CACNB2: variants seen among roughly 807,000 people sequenced by gnomAD.
CACNB2 encodes the protein calcium voltage-gated channel auxiliary subunit beta 2.
In CACNB2, 42 loss-of-function variants were observed where a neutral mutation model predicts 73.3. That is an observed-to-expected ratio of 0.57 (90% CI 0.45 to 0.74). CACNB2 has a LOEUF of 0.74. CACNB2 is among the 30% of genes least tolerant of loss of function. The pLI is 0.00. For missense variants in CACNB2, 940 were observed against 853.0 expected, an observed-to-expected ratio of 1.10 and a Z score of -1.27; for synonymous variants, 348 against 310.3, an observed-to-expected ratio of 1.12 and a Z score of -1.28.
chr10:18,273,873 C>G (rs1194484703), intron 2 of CACNB2, among the ~76,000 whole-genome samples: 1 of 152,138 alleles, frequency 6.6e-6, no homozygotes, highest in East Asian at 1.9e-4. Flanking sequence ...CTCTTTCATT[C>G]CTTTCAAGGT....
intron 2 of CACNB2, among the ~76,000 whole-genome samples, chr10:18,385,771 C>CT (rs35268452): frequency 0.13 from 19,927 of 151,742 alleles, 1,672 homozygotes; most frequent in East Asian, 0.29. Context: ...TAAAATACAT[C>CT]TTGGAGATTA....
In CACNB2 at chr10:18,536,275, G is replaced by GTTTT. The variant is rs2053587888; in HGVS notation, c.1302+79_1302+80insTTTT. On this transcript the variant is annotated intron_variant, in intron 12 of 13. Transcript: ENST00000324631. Reference sequence around the variant, plus strand: ...TTTTTTTTTTTTTTTTTTTTTTTTGGGGGACAAGGTCTTGCTCTGTTGCCC... The same window carrying GTTTT: ...TTTTTTTTTTTTTTTTTTTTTTTTGGTTTTGGGACAAGGTCTTGCTCTGTTGCCC... 436 of 92,442 alleles carry GTTTT rather than the reference G, an allele frequency of 4.7e-3. 102 individuals are homozygous for GTTTT. The highest frequency in any genetic ancestry group is 0.018 in the Admixed American group (79 of 4,426). The allele number at this position is 92,442 out of a possible 1,614,324, so 5.7% of individuals were successfully genotyped here. A position where few individuals can be genotyped will look rare whatever the true frequency, so the allele number is the denominator to read the frequency against.
intron 3 of CACNB2, among the ~76,000 whole-genome samples, chr10:18,404,579 C>T (rs879715784): frequency 6.6e-6 from 1 of 152,164 alleles, no homozygotes; most frequent in Non-Finnish European, 1.5e-5. Context: ...AAGCATCTCT[C>T]AAACAGAAAG....
At chr10:18,487,127 C>A (rs756381612) in intron 3 of CACNB2, among the ~76,000 whole-genome samples, 1 of 152,090 alleles carries the variant, frequency 6.6e-6, no homozygotes, top group Admixed American at 6.5e-5. Context: ...AGATGCTGGC[C>A]AGCCCACCCT....
intron 2 of CACNB2, among the ~76,000 whole-genome samples, chr10:18,332,064 A>G (rs901544196): frequency 2.0e-5 from 3 of 152,134 alleles, no homozygotes; most frequent in African/African-American, 4.8e-5. Flanking sequence ...AGGGGAGAGG[A>G]CGTCTGAGAT....
intron 2 of CACNB2, among the ~76,000 whole-genome samples, chr10:18,376,377 G>T (rs1376465115): frequency 2.6e-5 from 4 of 152,090 alleles, no homozygotes; most frequent in African/African-American, 9.7e-5. Context: ...CAGGCATTGG[G>T]GGACAAGGGG....
chr10:18,312,384 T>C (rs779005924), intron 2 of CACNB2, among the ~76,000 whole-genome samples: 5 of 152,206 alleles, frequency 3.3e-5, no homozygotes, highest in Non-Finnish European at 5.9e-5. Context: ...TGTTTAGTCA[T>C]TGAAATAGCT....
intron 2 of CACNB2, among the ~76,000 whole-genome samples, chr10:18,268,376 A>G (rs535754937): frequency 2.0e-5 from 3 of 152,352 alleles, no homozygotes; most frequent in South Asian, 4.1e-4. Flanking sequence ...ACATAACAGG[A>G]TTATCTGACA....
At chr10:18,280,491 C>G (rs965449014) in intron 2 of CACNB2, among the ~76,000 whole-genome samples, 7 of 152,060 alleles carry the variant, frequency 4.6e-5, no homozygotes, top group African/African-American at 1.7e-4. Context: ...CACTGCGGCC[C>G]CTCTGTGTGT....
intron 2 of CACNB2, among the ~76,000 whole-genome samples, chr10:18,257,776 G>A (rs57205757): frequency 6.6e-6 from 1 of 152,016 alleles, no homozygotes; most frequent in Non-Finnish European, 1.5e-5. Context: ...TGGAGTTTCC[G>A]TCTGTCACCC....
intron 2 of CACNB2, among the ~76,000 whole-genome samples, chr10:18,187,020 A>G (rs145110185): frequency 1.3e-5 from 2 of 152,308 alleles, no homozygotes; most frequent in African/African-American, 4.8e-5. Context: ...ATGGGTGACG[A>G]ACCATGGAAA....
intron 2 of CACNB2, among the ~76,000 whole-genome samples, chr10:18,244,082 TG>T (rs1411057811): frequency 3.9e-5 from 6 of 152,224 alleles, no homozygotes; most frequent in African/African-American, 1.4e-4. Context: ...AAGATGTTGC[TG>T]GCTTTTATTT....
At chr10:18,349,926 C>T (rs1460407448) in intron 2 of CACNB2, among the ~76,000 whole-genome samples, 1 of 152,082 alleles carries the variant, frequency 6.6e-6, no homozygotes, top group East Asian at 1.9e-4. Flanking sequence ...AGGCCAAATG[C>T]TTTATATCTA....
chr10:18,541,795 G>A lies in CACNB2; in HGVS notation c.*2071G>A, dbSNP rs930161501. The stretch of plus-strand genomic sequence containing the variant: ...GAGAATTGCTTGAACCCAGGAGGTG[G>A]AGCCTGCAGTAAGCCAAGATCACAC... On this transcript the variant is annotated 3_prime_UTR_variant, in exon 14 of 14. Coordinates refer to ENST00000324631, the MANE Select transcript of CACNB2 (RefSeq NM_201596.3). The A allele has an allele frequency of 6.6e-6, 1 of 151,896 alleles. No homozygotes were observed. Among genetic ancestry groups the A allele is most frequent in the African/African-American group, 2.4e-5 (1 of 41,298 alleles). 9.4% of individuals were successfully genotyped at this position (151,896 alleles called of 1,614,324 possible).
chr10:18,533,737 T>C (rs1276533677), intron 10 of CACNB2, among the ~76,000 whole-genome samples: 6 of 152,198 alleles, frequency 3.9e-5, no homozygotes, highest in Non-Finnish European at 2.9e-5. Flanking sequence ...ACGGAAGATA[T>C]GTCAAGGTTC....
chr10:18,367,660 A>C (rs1274846511), intron 2 of CACNB2, among the ~76,000 whole-genome samples: 1 of 152,190 alleles, frequency 6.6e-6, no homozygotes, highest in Admixed American at 6.5e-5. Context: ...AATTATGTAA[A>C]AATTCACATT....
At chr10:18,536,920 A>G (rs1330141446) in intron 12 of CACNB2, among the ~76,000 whole-genome samples, 4 of 152,192 alleles carry the variant, frequency 2.6e-5, no homozygotes, top group Non-Finnish European at 4.4e-5. Context: ...TTTCTAAGTA[A>G]TAAGTTACCT....
intron 2 of CACNB2, among the ~76,000 whole-genome samples, chr10:18,302,776 C>A (rs2039577591): frequency 6.6e-6 from 1 of 152,116 alleles, no homozygotes; most frequent in South Asian, 2.1e-4. Context: ...GTGATGCGTG[C>A]ACCAAAATCT....
At chr10:18,281,979 C>CAA (rs10542258) in intron 2 of CACNB2, among the ~76,000 whole-genome samples, 76 of 69,702 alleles carry the variant, frequency 1.1e-3, no homozygotes, top group Non-Finnish European at 1.3e-3. Context: ...GACTCCATCT[C>CAA]AAAAAAAAAA....
Sources: gnomAD v4.1 joint callset for allele counts (sites outside exome capture counted in the v4.1 genomes callset) on GRCh38, gnomAD v4.1.1 for gene constraint, MANE v1.5 for transcripts, NCBI Gene and HGNC (gene_info 2026-07-23, HGNC 2026-07-21) for gene names.